Variants in MGMT observed in about 807,000 individuals in gnomAD.
MGMT encodes the protein methylated-DNA--protein-cysteine methyltransferase.
MGMT carries 14 observed loss-of-function variants against 15.9 expected under a neutral mutation model. That is an observed-to-expected ratio of 0.88 (90% CI 0.58 to 1.37). The LOEUF is 1.37. Among genes scored for constraint, MGMT ranks in the 40% most tolerant of loss-of-function variants. The pLI is 0.00. For synonymous variants in MGMT, 130 were observed against 118.2 expected (o/e 1.10, Z -0.65); for missense variants, 282 against 268.1 (o/e 1.05, Z -0.36).
chr10:129,601,041 C>T (rs560240685), intron 2 of MGMT, among the ~76,000 whole-genome samples: 5 of 150,778 alleles, frequency 3.3e-5, no homozygotes, highest in African/African-American at 1.2e-4. Context: ...ATTTAAGTAG[C>T]CTCCATATGC....
Position 129,632,850 on chromosome 10 carries a change from G to GAA in MGMT, c.126-75044_126-75043dup, listed in dbSNP as rs570037436. 3.9e-5 allele frequency among the ~76,000 whole-genome samples: 6 copies of GAA among 152,124 alleles called. No homozygotes were observed. The South Asian group carries it at 1.0e-3, about 26-fold the overall frequency. ...ATTTGATTCCATGTCTCATGCAGAG[G>GAA]AATACTTAGATACGACGGAATGAGT... On this transcript the variant is annotated intron_variant, in intron 2 of 4. Transcript: ENST00000651593.
chr10:129,689,204 C>T (rs769095986), intron 2 of MGMT, among the ~76,000 whole-genome samples: 7 of 152,206 alleles, frequency 4.6e-5, no homozygotes, highest in Non-Finnish European at 1.0e-4. Context: ...GCTGGGATTA[C>T]AGGTGTGTGC....
chr10:129,757,637 T>G (rs1046397868), intron 3 of MGMT, among the ~76,000 whole-genome samples: 1 of 152,240 alleles, frequency 6.6e-6, no homozygotes, highest in Non-Finnish European at 1.5e-5. Flanking sequence ...TGCTTTGCTT[T>G]TTTTTAAAGT....
chr10:129,596,562 C>T (rs116933899), intron 2 of MGMT, among the ~76,000 whole-genome samples: 4,853 of 152,174 alleles, frequency 0.032, 129 homozygotes, highest in South Asian at 0.066. Flanking sequence ...TGCACCTGGG[C>T]GGGGGACACC....
chr10:129,653,673 C>T (rs1410349952), intron 2 of MGMT, among the ~76,000 whole-genome samples: 2 of 152,236 alleles, frequency 1.3e-5, no homozygotes, highest in African/African-American at 4.8e-5. Context: ...AAGATTACAT[C>T]ATGTGATGGC....
intron 2 of MGMT, among the ~76,000 whole-genome samples, chr10:129,630,324 A>G (rs914031463): frequency 6.6e-6 from 1 of 152,202 alleles, no homozygotes; most frequent in Admixed American, 6.5e-5. Flanking sequence ...CTGAAGGGCA[A>G]TTTAAAAGTT....
intron 1 of MGMT, among the ~76,000 whole-genome samples, chr10:129,519,462 T>G (rs747304132): frequency 3.3e-5 from 5 of 152,212 alleles, no homozygotes; most frequent in Admixed American, 6.5e-5. Flanking sequence ...GATTAATCAT[T>G]TGGAAGCGGG....
intron 1 of MGMT, among the ~76,000 whole-genome samples, chr10:129,508,941 C>G (rs12242312): frequency 0.068 from 10,384 of 151,980 alleles, 1,191 homozygotes; most frequent in African/African-American, 0.24. Context: ...CTGTCATGAA[C>G]AAGGTTTGTG....
chr10:129,756,607 C>G lies in MGMT; in HGVS notation c.275-2595C>G, dbSNP rs138627160. On this transcript the variant is annotated intron_variant, in intron 3 of 4. Coordinates refer to ENST00000651593, the MANE Select transcript of MGMT (RefSeq NM_002412.5). ...GCCTCACCCTCCCGAGTAGCTGGGA[C>G]TGCAGACGAGCACCACCACGCCTGG... Among the ~76,000 whole-genome samples the G allele has an allele frequency of 9.2e-3, 1,396 of 152,314 alleles. 19 individuals are homozygous for G. The highest frequency in any genetic ancestry group is 0.031 in the African/African-American group (1,289 of 41,576).
intron 2 of MGMT, among the ~76,000 whole-genome samples, chr10:129,583,529 G>C (rs1377597411): frequency 6.6e-6 from 1 of 152,194 alleles, no homozygotes; most frequent in Non-Finnish European, 1.5e-5. Context: ...TCCTTATCCC[G>C]GGTAGAAAGC....
chr10:129,601,331 AGTT>A (rs1438190542), intron 2 of MGMT, among the ~76,000 whole-genome samples: 9 of 152,178 alleles, frequency 5.9e-5, no homozygotes. Context: ...CAGCAACAAA[AGTT>A]GAACAGCAAC....
intron 2 of MGMT, among the ~76,000 whole-genome samples, chr10:129,551,463 A>G (rs1222480591): frequency 6.6e-6 from 1 of 152,126 alleles, no homozygotes; most frequent in Admixed American, 6.5e-5. Flanking sequence ...GAAGAGCATC[A>G]GCTGCCGCAG....
At chr10:129,519,764 G>A (rs1031448161) in intron 1 of MGMT, among the ~76,000 whole-genome samples, 3 of 152,250 alleles carry the variant, frequency 2.0e-5, no homozygotes, top group African/African-American at 7.2e-5. Flanking sequence ...GTTCTCAGTG[G>A]TGTGCAGGCT....
chr10:129,618,378 C>T (rs1229809018), intron 2 of MGMT, among the ~76,000 whole-genome samples: 2 of 152,038 alleles, frequency 1.3e-5, no homozygotes, highest in African/African-American at 4.8e-5. Flanking sequence ...TGCTTGTCCT[C>T]ATGCCAACAT....
chr10:129,579,730 C>T (rs1846530272), intron 2 of MGMT, among the ~76,000 whole-genome samples: 1 of 152,244 alleles, frequency 6.6e-6, no homozygotes, highest in South Asian at 2.1e-4. Context: ...GGTATCTCTC[C>T]TCTGGCAGTG....
chr10:129,622,711 A>C (rs1330559245), intron 2 of MGMT, among the ~76,000 whole-genome samples: 2 of 152,200 alleles, frequency 1.3e-5, no homozygotes, highest in East Asian at 3.9e-4. Flanking sequence ...TCTGGATTGC[A>C]TCCAAATAAG....
At chr10:129,472,581 G>C (rs1711665) in intron 1 of MGMT, among the ~76,000 whole-genome samples, 136,886 of 152,238 alleles carry the variant, frequency 0.9, 61,779 homozygotes, top group Non-Finnish European at 0.93. Context: ...GGGAACAGAT[G>C]GGCTTCCGTT....
At chr10:129,652,882 T>C (rs1847478153) in intron 2 of MGMT, among the ~76,000 whole-genome samples, 1 of 152,208 alleles carries the variant, frequency 6.6e-6, no homozygotes, top group African/African-American at 2.4e-5. Flanking sequence ...TGAATATTTG[T>C]TGTGTTCCTC....
Position 129,518,373 on chromosome 10 carries a change from C to CACA in MGMT, c.-12-17867_-12-17866insCAA, listed in dbSNP as rs1260129134. On this transcript the variant is annotated intron_variant, in intron 1 of 4. Transcript: ENST00000651593. Reference sequence around the variant, plus strand: ...ACACACACACACACACACACACACACATTTGGCCCTTGGACAAGACAGGTC... The same window carrying CACA: ...ACACACACACACACACACACACACACACAATTTGGCCCTTGGACAAGACAGGTC... Among the ~76,000 whole-genome samples the CACA allele has an allele frequency of 9.7e-3, 1,456 of 149,876 alleles. 21 individuals are homozygous for CACA. The highest frequency in any genetic ancestry group is 0.034 in the African/African-American group (1,380 of 40,680).
Sources: gnomAD v4.1 joint callset for allele counts (sites outside exome capture counted in the v4.1 genomes callset) on GRCh38, gnomAD v4.1.1 for gene constraint, MANE v1.5 for transcripts, NCBI Gene and HGNC (gene_info 2026-07-23, HGNC 2026-07-21) for gene names.